Variants in ZNF410 observed in about 807,000 individuals in gnomAD.
ZNF410 encodes the protein another partner for ARF 1.
In ZNF410, 18 loss-of-function variants were observed where a neutral mutation model predicts 54.8. That is an observed-to-expected ratio of 0.33 (90% CI 0.23 to 0.49). The LOEUF is 0.49. Ranked by LOEUF, ZNF410 falls within the 20% of genes least tolerant of loss-of-function variation. The probability of loss-of-function intolerance (pLI) is 0.99; values close to 1 mark genes in which losing one functional copy is unlikely to be tolerated. For synonymous variants in ZNF410, 191 were observed against 207.3 expected (o/e 0.92, Z 0.68); for missense variants, 405 against 569.6 (o/e 0.71, Z 2.94).
At chr14:73,895,538 A>AC (rs2055304189) in intron 3 of ZNF410, 1 of 132,164 alleles carries the variant, frequency 7.6e-6, no homozygotes, top group Non-Finnish European at 1.8e-5. Context: ...TAATGAATGC[A>AC]TTTAAAAAAA....
At chr14:73,916,095 A>AAGAG (rs1219901827) in intron 8 of ZNF410, 1 of 151,106 alleles carries the variant, frequency 6.6e-6, no homozygotes, top group Non-Finnish European at 1.5e-5. Context: ...ATAAATCAGT[A>AAGAG]AGAGAGAGGG....
Position 73,931,888 on chromosome 14 carries a change from T to G in ZNF410, c.*347T>G. ...AGGGGAGGTTTTCCTTTGAAGAGTT[T>G]TCATCCCAGACTCAGCTGTCTTTTC... On this transcript the variant is annotated 3_prime_UTR_variant, in exon 12 of 12. Transcript: ENST00000555044. 2.2e-6 allele frequency: 1 copy of G among 451,292 alleles called. No homozygotes were observed. Among genetic ancestry groups the G allele is most frequent in the Non-Finnish European group, 4.5e-6 (1 of 224,560 alleles). The allele number at this position is 451,292 out of a possible 1,614,324, so 28.0% of individuals were successfully genotyped here.
chr14:73,918,686 CTTTTTTTT>C (rs71115932), intron 8 of ZNF410, among the ~76,000 whole-genome samples: 5 of 74,640 alleles, frequency 6.7e-5, no homozygotes, highest in African/African-American at 2.5e-4. Context: ...TTCATATGGC[CTTTTTTTT>C]TTTTTTTTTT....
chr14:73,898,226 G>A lies in ZNF410; in HGVS notation c.544G>A (p.Ala182Thr), dbSNP rs1383800332. 6.2e-7 allele frequency: 1 copy of A among 1,614,072 alleles called. No homozygotes were observed. The highest frequency in any genetic ancestry group is 1.3e-5 in the African/African-American group (1 of 75,028). Residue 182 changes from alanine to threonine, a missense_variant, in exon 5 of 12, where the codon GCA (alanine) becomes ACA (threonine). Around this residue, in one of 3 missense-constraint regions of ZNF410, gnomAD observed 247 missense variants for 342.8 expected, o/e 0.72. Coordinates refer to ENST00000555044, the MANE Select transcript of ZNF410 (RefSeq NM_021188.3). ...TGACAGTTTGATTGCTGCTACTCGT[G>A]CACAACTGGCAAAGAATGCAAAAAC... is the stretch of plus-strand genomic sequence containing the variant. The part of the protein sequence containing the change: ...AHDSLIAATR[A>T]QLAKNAKTSS...
intron 5 of ZNF410, chr14:73,902,115 C>G (rs1239299351): frequency 6.8e-6 from 1 of 147,848 alleles, no homozygotes; most frequent in Non-Finnish European, 1.5e-5. Flanking sequence ...GTCGCCCAGG[C>G]TGGAGTGCAG....
At chr14:73,911,689 G>C (rs1238467210) in intron 8 of ZNF410, among the ~76,000 whole-genome samples, 1 of 151,986 alleles carries the variant, frequency 6.6e-6, no homozygotes, top group African/African-American at 2.4e-5. Context: ...TATTTCCTTG[G>C]TTTTATCTTA....
In ZNF410 at chr14:73,932,103, C is replaced by G. The variant is rs2055925289; in HGVS notation, c.*562C>G. ...TAAATTACTTGAATCTCCCCTTGGC[C>G]CAGGCTGAGGTACTATCTTGTCCTA... On this transcript the variant is annotated 3_prime_UTR_variant, in exon 12 of 12. Transcript: ENST00000555044. 1 of 449,572 alleles carries G rather than the reference C, an allele frequency of 2.2e-6. No homozygotes were observed. The highest frequency in any genetic ancestry group is 4.5e-6 in the Non-Finnish European group (1 of 222,392). 27.8% of individuals were successfully genotyped at this position (449,572 alleles called of 1,614,324 possible).
chr14:73,904,465 T>C (rs936444823), intron 6 of ZNF410, among the ~76,000 whole-genome samples: 1 of 152,130 alleles, frequency 6.6e-6, no homozygotes, highest in Non-Finnish European at 1.5e-5. Flanking sequence ...GTTTTTTGTT[T>C]GATTTTTTTT....
At chr14:73,897,197 T>TA (rs1427755294) in intron 4 of ZNF410, among the ~76,000 whole-genome samples, 2 of 152,120 alleles carry the variant, frequency 1.3e-5, no homozygotes, top group Non-Finnish European at 2.9e-5. Context: ...GAGCAATTGT[T>TA]ACTGTGGTAG....
chr14:73,901,094 A>G (rs952793770), intron 5 of ZNF410, among the ~76,000 whole-genome samples: 2 of 152,214 alleles, frequency 1.3e-5, no homozygotes, highest in African/African-American at 4.8e-5. Context: ...CTTACAGTCT[A>G]AGTTGTTTGA....
chr14:73,901,717 G>A (rs1413314983), intron 5 of ZNF410, among the ~76,000 whole-genome samples: 2 of 151,466 alleles, frequency 1.3e-5, no homozygotes, highest in Non-Finnish European at 2.9e-5. Context: ...GATCTGTTGA[G>A]CTCAGGAGAC....
In ZNF410 at chr14:73,931,490, C is replaced by T; in HGVS notation, c.1399-13C>T. On this transcript the variant is annotated splice_polypyrimidine_tract_variant and intron_variant, in intron 11 of 11. Transcript: ENST00000555044. Reference sequence around the variant, plus strand: ...CTGTAACCTATTCTAGATTTGCTTTCAATCTTTTACAGTTACTAAACCAAG... The same window carrying T: ...CTGTAACCTATTCTAGATTTGCTTTTAATCTTTTACAGTTACTAAACCAAG... 1.2e-6 allele frequency: 2 copies of T among 1,606,466 alleles called. No individual in the cohort carries two copies. The highest frequency in any genetic ancestry group is 1.1e-5 in the South Asian group (1 of 89,482).
intron 1 of ZNF410, chr14:73,891,712 G>T (rs940917885): frequency 6.0e-5 from 17 of 284,178 alleles, no homozygotes; most frequent in South Asian, 4.9e-4. Flanking sequence ...CCTAATTGGG[G>T]GTGTGTGTGT....
chr14:73,893,230 T>C (rs1240288205), intron 2 of ZNF410: 1 of 152,254 alleles, frequency 6.6e-6, no homozygotes, highest in Non-Finnish European at 1.5e-5. Context: ...TTATCATTTC[T>C]CTGTTTGACA....
intron 1 of ZNF410, 126 bp from the exon 2 acceptor site, chr14:73,891,901 T>G (rs2055235920): frequency 1.7e-6 from 1 of 602,158 alleles, no homozygotes; most frequent in African/African-American, 1.9e-5. Flanking sequence ...AAGAAGTGTT[T>G]CGGTTTGAAT....
At chr14:73,888,193 T>A (rs1337906151) in intron 1 of ZNF410, 1 of 152,136 alleles carries the variant, frequency 6.6e-6, no homozygotes, top group East Asian at 1.9e-4. Context: ...GGAGGAAGAT[T>A]GGGCGATCAT....
chr14:73,928,405 GAA>G (rs1215033354), intron 11 of ZNF410, among the ~76,000 whole-genome samples: 1 of 152,098 alleles, frequency 6.6e-6, no homozygotes, highest in African/African-American at 2.4e-5. Context: ...TTGAGAGCTG[GAA>G]AGATAAGCTA....
At chr14:73,898,017 G>A in intron 4 of ZNF410, 54 bp from the exon 5 acceptor site, 3 of 1,494,792 alleles carry the variant, frequency 2.0e-6, no homozygotes, top group Non-Finnish European at 2.7e-6. Flanking sequence ...CTGAGCCAGG[G>A]CAAATAAAAA....
intron 8 of ZNF410, among the ~76,000 whole-genome samples, chr14:73,918,933 C>T (rs1308991110): frequency 1.4e-5 from 2 of 145,622 alleles, no homozygotes; most frequent in Admixed American, 7.0e-5. Flanking sequence ...CTCCTGACCT[C>T]GTGATCCTCC....
Sources: allele counts gnomAD v4.1 joint callset (sites outside exome capture counted in the v4.1 genomes callset), GRCh38; gene constraint gnomAD v4.1.1; regional missense constraint gnomAD v4.1.1; transcripts MANE v1.5; gene names NCBI Gene and HGNC (gene_info 2026-07-23, HGNC 2026-07-21).